Variants in PPP4R3A observed in about 807,000 individuals in gnomAD.
The protein encoded by PPP4R3A is protein phosphatase 4 regulatory subunit 3A.
In PPP4R3A, 15 loss-of-function variants were observed where a neutral mutation model predicts 91.7. The observed-to-expected ratio is 0.16, with a 90% confidence interval of 0.11 to 0.25. The LOEUF (loss-of-function observed/expected upper bound fraction) is 0.25, where lower values mean the gene tolerates loss of function less well. Among genes scored for constraint, PPP4R3A ranks in the 10% least tolerant of loss-of-function variants. The pLI, the probability that PPP4R3A is intolerant of heterozygous loss-of-function variation, is 1.00. For missense variants in PPP4R3A, 623 were observed against 998.4 expected (o/e 0.62, Z 5.07); for synonymous variants, 377 against 348.7 (o/e 1.08, Z -0.91).
intron 10 of PPP4R3A, among the ~76,000 whole-genome samples, chr14:91,468,674 A>AAAAAAAAAAAAAAAAAAAAAAG: frequency 6.9e-6 from 1 of 144,806 alleles, no homozygotes; most frequent in African/African-American, 2.5e-5. Flanking sequence ...TCTCAAAAAA[A>AAAAAAAAAAAAAAAAAAAAAAG]AAAAAAAAAA....
rs1389142340 is a variant in PPP4R3A, at chr14:91,458,106, A to G, written c.*653T>C. ...GAAAAAAAAAATCAAAAACAAAATA[A>G]AACAAAAAAATTATGACACAAATGA... On this transcript the variant is annotated 3_prime_UTR_variant, in exon 15 of 15. Coordinates refer to ENST00000554943, the MANE Select transcript of PPP4R3A (RefSeq NM_001366432.2). 6.5e-6 allele frequency: 1 copy of G among 152,928 alleles called. No individual in the cohort carries two copies. Among genetic ancestry groups the G allele is most frequent in the African/African-American group, 2.4e-5 (1 of 41,420 alleles). 9.5% of individuals were successfully genotyped at this position (152,928 alleles called of 1,614,324 possible).
chr14:91,477,105 G>T, intron 4 of PPP4R3A, 119 bp from the exon 5 acceptor site: 16 of 569,248 alleles, frequency 2.8e-5, no homozygotes, highest in South Asian at 6.3e-5. Flanking sequence ...TATTGGCAAT[G>T]CTGTCTTTTT....
At chr14:91,467,751 T>C (rs1888560726) in intron 10 of PPP4R3A, among the ~76,000 whole-genome samples, 1 of 152,188 alleles carries the variant, frequency 6.6e-6, no homozygotes, top group Non-Finnish European at 1.5e-5. Context: ...CTTAACTAGT[T>C]GTCTTTAAAG....
At chr14:91,477,394 TTAAC>T (rs1182495639) in intron 4 of PPP4R3A, among the ~76,000 whole-genome samples, 1 of 152,210 alleles carries the variant, frequency 6.6e-6, no homozygotes, top group African/African-American at 2.4e-5. Context: ...TATAACCTTA[TTAAC>T]TTTTAAAAGG....
intron 10 of PPP4R3A, among the ~76,000 whole-genome samples, chr14:91,468,299 G>T (rs1595053915): frequency 1.3e-5 from 2 of 152,238 alleles, no homozygotes; most frequent in East Asian, 3.9e-4. Context: ...TTGCAATACT[G>T]CAAGCAAAAT....
At chr14:91,506,349 T>C (rs1022493983) in intron 1 of PPP4R3A, among the ~76,000 whole-genome samples, 1 of 152,202 alleles carries the variant, frequency 6.6e-6, no homozygotes, top group South Asian at 2.1e-4. Context: ...GAGTTTAATA[T>C]GGTTAATAGC....
intron 6 of PPP4R3A, 116 bp from the exon 7 acceptor site, chr14:91,476,082 A>G (rs1444222451): frequency 2.0e-6 from 2 of 999,030 alleles, no homozygotes; most frequent in African/African-American, 3.4e-5. Context: ...AAGAAAGGTC[A>G]AAGAAATTCT....
chr14:91,481,514 A>G, intron 4 of PPP4R3A, 62 bp downstream of exon 4: 1 of 1,470,832 alleles, frequency 6.8e-7, no homozygotes, highest in South Asian at 1.5e-5. Flanking sequence ...TATGTATTTA[A>G]AAGGAGCAAA....
Position 91,458,079 on chromosome 14 carries a change from AG to A in PPP4R3A, c.*679del, listed in dbSNP as rs1887875839. ...CAACAACTAAGCATACACTCAGGGG[AG>A]GAAAAAAAAAATCAAAAACAAAATA... On this transcript the variant is annotated 3_prime_UTR_variant, in exon 15 of 15. Transcript: ENST00000554943. 6.5e-6 allele frequency: 1 copy of A among 152,986 alleles called. No homozygotes were observed. Among genetic ancestry groups the A allele is most frequent in the Non-Finnish European group, 1.5e-5 (1 of 68,486 alleles). 9.5% of individuals were successfully genotyped at this position (152,986 alleles called of 1,614,324 possible).
At position 91,462,077 on chromosome 14, in the gene PPP4R3A, T is replaced by G. The variant is rs777744455; in HGVS notation, c.2136A>C (p.Pro712=). The G allele has an allele frequency of 6.5e-7, 1 of 1,530,666 alleles. No individual in the cohort carries two copies. The highest frequency in any genetic ancestry group is 1.3e-5 in the South Asian group (1 of 77,810). 94.8% of individuals were successfully genotyped at this position (1,530,666 alleles called of 1,614,324 possible). ...KTKNDDDIMD[P]ISKFMERKKL... The stretch of plus-strand genomic sequence containing the variant: ...TCTTCCTTTCCATGAATTTACTTAT[T>G]GGATCCATAATATCATCATCATTTT... The change falls in exon 13 of 15, where the codon CCA becomes CCC. Residue 712 remains proline (P), a synonymous_variant. Transcript: ENST00000554943.
chr14:91,505,945 GA>G (rs1003714245), intron 1 of PPP4R3A, among the ~76,000 whole-genome samples: 2 of 137,116 alleles, frequency 1.5e-5, no homozygotes, highest in African/African-American at 5.5e-5. Context: ...AACTATAATT[GA>G]AATTTTTTTT....
intron 2 of PPP4R3A, among the ~76,000 whole-genome samples, chr14:91,486,767 C>G (rs1334200958): frequency 6.6e-6 from 1 of 151,532 alleles, no homozygotes; most frequent in Non-Finnish European, 1.5e-5. Flanking sequence ...CAAAAATTAG[C>G]CGGGCATGTG....
At chr14:91,488,990 C>A (rs1890071803) in intron 2 of PPP4R3A, among the ~76,000 whole-genome samples, 1 of 147,960 alleles carries the variant, frequency 6.8e-6, no homozygotes, top group Non-Finnish European at 1.5e-5. Context: ...TCACTGCAAG[C>A]TCCACCTCCC....
intron 1 of PPP4R3A, among the ~76,000 whole-genome samples, chr14:91,505,156 A>G (rs1053604994): frequency 2.6e-5 from 4 of 151,930 alleles, no homozygotes; most frequent in African/African-American, 9.7e-5. Context: ...AGAACTTATT[A>G]AAAAAAAGAA....
At chr14:91,463,965 A>G (rs919840690) in intron 11 of PPP4R3A, among the ~76,000 whole-genome samples, 8 of 151,880 alleles carry the variant, frequency 5.3e-5, no homozygotes, top group Non-Finnish European at 1.2e-4. Flanking sequence ...CTTTATTTCC[A>G]TGTGTACTCA....
At chr14:91,466,399 A>C in intron 10 of PPP4R3A, 1 of 985,758 alleles carries the variant, frequency 1.0e-6, no homozygotes. Context: ...TAGCCAGGCA[A>C]CCATGCTGAC....
intron 1 of PPP4R3A, 98 bp from the exon 2 acceptor site, chr14:91,490,900 ATTTTTTT>A (rs36126220): frequency 3.6e-6 from 1 of 278,730 alleles, no homozygotes; most frequent in Non-Finnish European, 6.1e-6. Context: ...AATAATAATA[ATTTTTTT>A]TTTTTTTTTT....
At position 91,461,363 on chromosome 14, in the gene PPP4R3A, T is replaced by C. The variant is rs1205486869; in HGVS notation, c.2391+18A>G. On this transcript the variant is annotated intron_variant, in intron 14 of 14. Transcript: ENST00000554943. ...TCAATTGGGAAAAAAGGGGGCAAAATGGGAGTCAAGAATGTACCTTTGTAG... is the reference window on the plus strand; with the variant it reads ...TCAATTGGGAAAAAAGGGGGCAAAACGGGAGTCAAGAATGTACCTTTGTAG... 3.1e-6 allele frequency: 5 copies of C among 1,589,562 alleles called. No homozygotes were observed. The highest frequency in any genetic ancestry group is 4.3e-6 in the Non-Finnish European group (5 of 1,161,002).
Position 91,495,791 on chromosome 14 carries a change from C to G in PPP4R3A, c.143-4989G>C, listed in dbSNP as rs191004553. 1.6e-4 allele frequency among the ~76,000 whole-genome samples: 24 copies of G among 152,042 alleles called. No individual in the cohort carries two copies. The East Asian group carries it at 4.4e-3, about 28-fold the overall frequency. Reference sequence around the variant, plus strand: ...AAAATTAGCCAAGTGTGGCAGCGCACGCCTGTAGTCCTAGCTGCTCAGGAG... The same window carrying G: ...AAAATTAGCCAAGTGTGGCAGCGCAGGCCTGTAGTCCTAGCTGCTCAGGAG... On this transcript the variant is annotated intron_variant, in intron 1 of 14. Coordinates refer to ENST00000554943, the MANE Select transcript of PPP4R3A (RefSeq NM_001366432.2).
Sources: gnomAD v4.1 joint callset for allele counts (sites outside exome capture counted in the v4.1 genomes callset) on GRCh38, gnomAD v4.1.1 for gene constraint, MANE v1.5 for transcripts, NCBI Gene and HGNC (gene_info 2026-07-23, HGNC 2026-07-21) for gene names.